CEMIP2: variants seen among roughly 807,000 people sequenced by gnomAD.
CEMIP2 encodes the protein cell surface hyaluronidase CEMIP2.
A neutral mutation model predicts 146.9 loss-of-function variants in CEMIP2; 79 were observed. That is an observed-to-expected ratio of 0.54 (90% CI 0.45 to 0.65). The LOEUF (loss-of-function observed/expected upper bound fraction) is 0.65. CEMIP2 is among the 30% of genes least tolerant of loss of function. The pLI, the probability that CEMIP2 is intolerant of heterozygous loss-of-function variation, is 0.00. For missense variants in CEMIP2, 1,596 were observed against 1,696.2 expected, an observed-to-expected ratio of 0.94 and a Z score of 1.04; for synonymous variants, 601 against 606.3, an observed-to-expected ratio of 0.99 and a Z score of 0.13.
At chr9:71,699,183 A>C (rs1362251724) in intron 19 of CEMIP2, 2 of 174,608 alleles carry the variant, frequency 1.1e-5, no homozygotes, top group African/African-American at 4.7e-5. Context: ...ACTTGTCACC[A>C]GACTATCCTT....
At chr9:71,688,996 T>A (rs1822152499) in intron 22 of CEMIP2, among the ~76,000 whole-genome samples, 1 of 152,208 alleles carries the variant, frequency 6.6e-6, no homozygotes, top group South Asian at 2.1e-4. Flanking sequence ...AAAGCCTTTC[T>A]GTTAATGAGT....
chr9:71,753,578 T>C (rs1289039167), intron 1 of CEMIP2, among the ~76,000 whole-genome samples: 2 of 152,218 alleles, frequency 1.3e-5, no homozygotes, highest in African/African-American at 4.8e-5. Flanking sequence ...TGTAAATGTA[T>C]AAGCAGCAAA....
rs141354460 is a variant in CEMIP2, at chr9:71,708,046, G to T, written c.2985+1213C>A. ...TTAAAAATACAAAAAAACTAGCCGG[G>T]CATGGTGGCGGGCGCCTGTAGTCCA... On this transcript the variant is annotated intron_variant, in intron 17 of 23. Transcript: ENST00000377044. 9.5e-3 allele frequency among the ~76,000 whole-genome samples: 1,441 copies of T among 152,282 alleles called. 19 individuals carry two copies. Among genetic ancestry groups the T allele is most frequent in the African/African-American group, 0.033 (1,373 of 41,566 alleles).
chr9:71,762,503 C>CA (rs58090104), intron 1 of CEMIP2, among the ~76,000 whole-genome samples: 1,921 of 79,558 alleles, frequency 0.024, 89 homozygotes, highest in African/African-American at 0.069. Context: ...GCCCCGTCAC[C>CA]AAAAAAAAAA....
intron 21 of CEMIP2, among the ~76,000 whole-genome samples, chr9:71,693,306 C>T (rs1822288289): frequency 6.6e-6 from 1 of 152,194 alleles, no homozygotes; most frequent in African/African-American, 2.4e-5. Flanking sequence ...TGTATGGTGG[C>T]ACCTAGGTCA....
chr9:71,708,506 G>A (rs575507655), intron 17 of CEMIP2, among the ~76,000 whole-genome samples: 1 of 152,324 alleles, frequency 6.6e-6, no homozygotes, highest in East Asian at 1.9e-4. Flanking sequence ...ACATAGAGAA[G>A]TTAATTAACT....
chr9:71,758,218 C>T (rs1482514697), intron 1 of CEMIP2, among the ~76,000 whole-genome samples: 1 of 152,172 alleles, frequency 6.6e-6, no homozygotes, highest in Non-Finnish European at 1.5e-5. Context: ...CAGAGATCTG[C>T]TCGATTGTGT....
intron 1 of CEMIP2, among the ~76,000 whole-genome samples, chr9:71,762,184 C>A (rs1487460770): frequency 6.6e-6 from 1 of 152,126 alleles, no homozygotes; most frequent in African/African-American, 2.4e-5. Flanking sequence ...AACAAAAGGG[C>A]CATCTTACAC....
chr9:71,702,303 G>A (rs1822588865), intron 18 of CEMIP2, among the ~76,000 whole-genome samples: 1 of 146,454 alleles, frequency 6.8e-6, no homozygotes, highest in Non-Finnish European at 1.5e-5. Context: ...AGGTTTTCAA[G>A]TGAAAAAAAT....
At chr9:71,749,992 C>T (rs762470028) in intron 2 of CEMIP2, 51 bp downstream of exon 2, 3 of 1,487,124 alleles carry the variant, frequency 2.0e-6, no homozygotes, top group South Asian at 1.4e-5. Context: ...CTACTATTTC[C>T]TCCTCTTTTG....
At chr9:71,693,894 G>A (rs1043899754) in intron 21 of CEMIP2, among the ~76,000 whole-genome samples, 2 of 152,134 alleles carry the variant, frequency 1.3e-5, no homozygotes, top group Non-Finnish European at 2.9e-5. Flanking sequence ...GAAGTGATCA[G>A]GACACAACAG....
chr9:71,713,317 C>G (rs1310936353), intron 15 of CEMIP2, among the ~76,000 whole-genome samples: 1 of 152,110 alleles, frequency 6.6e-6, no homozygotes, highest in Non-Finnish European at 1.5e-5. Flanking sequence ...AGAGCACAAG[C>G]TCTCTTTTTG....
chr9:71,694,577 A>G lies in CEMIP2; in HGVS notation c.3628T>C (p.Tyr1210His). 6.2e-7 allele frequency: 1 copy of G among 1,613,934 alleles called. No individual in the cohort carries two copies. The change falls in exon 21 of 24, where the codon TAC becomes CAC. Residue 1210 changes from tyrosine to histidine, a missense_variant. Transcript: ENST00000377044. ...VVFTSDPHKS[Y>H]LPVQFQSPDK... ...GGTGACTGGAATTGCACAGGGAGGTAACTTTTATGAGGATCACTAGTAAAC... is the reference window on the plus strand; with the variant it reads ...GGTGACTGGAATTGCACAGGGAGGTGACTTTTATGAGGATCACTAGTAAAC...
chr9:71,740,033 C>T (rs1823869372), intron 5 of CEMIP2, 30 bp downstream of exon 5: 1 of 1,600,060 alleles, frequency 6.2e-7, no homozygotes, highest in African/African-American at 1.3e-5. Context: ...TTATCAGTGT[C>T]TTACAAGAGT....
At chr9:71,688,757 T>G (rs1424281409) in intron 22 of CEMIP2, among the ~76,000 whole-genome samples, 1 of 152,164 alleles carries the variant, frequency 6.6e-6, no homozygotes, top group African/African-American at 2.4e-5. Context: ...ACGGCTACCC[T>G]GCAGACCTGA....
intron 22 of CEMIP2, among the ~76,000 whole-genome samples, chr9:71,687,925 T>C (rs965697214): frequency 6.6e-6 from 1 of 152,170 alleles, no homozygotes; most frequent in Non-Finnish European, 1.5e-5. Context: ...GATGCAAGTA[T>C]AGTTTACTGC....
intron 17 of CEMIP2, among the ~76,000 whole-genome samples, chr9:71,707,425 G>A (rs1822778735): frequency 6.6e-6 from 1 of 151,934 alleles, no homozygotes; most frequent in Non-Finnish European, 1.5e-5. Context: ...AAACCAGAAA[G>A]TCTCTCCCGT....
At chr9:71,694,099 T>TTTA (rs1822312609) in intron 21 of CEMIP2, among the ~76,000 whole-genome samples, 81 of 145,586 alleles carry the variant, frequency 5.6e-4, no homozygotes, top group Non-Finnish European at 2.9e-4. Context: ...TGTTGTTTAT[T>TTTA]TTTATTTATT....
In CEMIP2 at chr9:71,683,482, G is replaced by A. The variant is rs1821960373; in HGVS notation, c.*1715C>T. ...CTTCTCCAAATCTTTAAAGAACCAA[G>A]CTCTAAAAAACACACGTAAAGATAT... is the stretch of plus-strand genomic sequence containing the variant. On this transcript the variant is annotated 3_prime_UTR_variant, in exon 24 of 24. Transcript: ENST00000377044. 1 of 148,140 alleles carries A rather than the reference G, an allele frequency of 6.8e-6. No individual in the cohort carries two copies. Among genetic ancestry groups the A allele is most frequent in the Non-Finnish European group, 1.5e-5 (1 of 67,306 alleles). 9.2% of individuals were successfully genotyped at this position (148,140 alleles called of 1,614,324 possible). A position where few individuals can be genotyped will look rare whatever the true frequency, so the allele number is the denominator to read the frequency against.
Sources: gnomAD v4.1 joint callset for allele counts (sites outside exome capture counted in the v4.1 genomes callset) on GRCh38, gnomAD v4.1.1 for gene constraint, MANE v1.5 for transcripts, NCBI Gene and HGNC (gene_info 2026-07-23, HGNC 2026-07-21) for gene names.